Variants in KLHL32 observed in about 807,000 individuals in gnomAD.
KLHL32 encodes kelch-like protein 32.
In KLHL32, 35 loss-of-function variants were observed where a neutral mutation model predicts 64.8. The observed-to-expected ratio is 0.54, with a 90% CI of 0.41 to 0.72. The LOEUF is 0.72. Ranked by LOEUF, KLHL32 falls within the 30% of genes least tolerant of loss-of-function variation. The pLI is 0.00. For synonymous variants in KLHL32, 259 were observed against 281.0 expected (o/e 0.92, Z 0.78); for missense variants, 589 against 768.5 (o/e 0.77, Z 2.76).
chr6:97,024,895 C>A, intron 3 of KLHL32: 1 of 629,238 alleles, frequency 1.6e-6, no homozygotes, highest in Non-Finnish European at 2.0e-6. Flanking sequence ...TGAAATATCA[C>A]TTTATTTTTC....
chr6:97,107,677 G>A (rs569871701), intron 6 of KLHL32, among the ~76,000 whole-genome samples: 35 of 152,186 alleles, frequency 2.3e-4, no homozygotes, highest in Non-Finnish European at 4.1e-4. Context: ...CTAAGTTTAG[G>A]GCACTGTATG....
the KLHL32 span, among the ~76,000 whole-genome samples, chr6:96,914,112 C>CA: frequency 6.6e-6 from 1 of 151,568 alleles, no homozygotes; most frequent in Non-Finnish European, 1.5e-5. Flanking sequence ...AATCTACAAG[C>CA]AAAAAAGGGT....
chr6:97,125,156 T>A (rs905769434), intron 7 of KLHL32, among the ~76,000 whole-genome samples: 2 of 152,196 alleles, frequency 1.3e-5, no homozygotes, highest in African/African-American at 4.8e-5. Flanking sequence ...GAGATAATTT[T>A]AAAAATAGTC....
intron 1 of KLHL32, among the ~76,000 whole-genome samples, chr6:96,964,766 A>G (rs1774268811): frequency 6.6e-6 from 1 of 152,268 alleles, no homozygotes; most frequent in Non-Finnish European, 1.5e-5. Context: ...AATAATAAAT[A>G]GTAAATAATA....
At chr6:96,979,520 A>T (rs978523535) in intron 3 of KLHL32, among the ~76,000 whole-genome samples, 1 of 152,156 alleles carries the variant, frequency 6.6e-6, no homozygotes, top group African/African-American at 2.4e-5. Flanking sequence ...TACTGGTATC[A>T]TGCTGTTTTG....
At chr6:97,027,777 G>A (rs1782950061) in intron 3 of KLHL32, among the ~76,000 whole-genome samples, 2 of 152,174 alleles carry the variant, frequency 1.3e-5, no homozygotes, top group African/African-American at 4.8e-5. Context: ...TTTGGACTCA[G>A]GCCTTCTGCC....
At chr6:97,062,715 T>C (rs1460321785) in intron 4 of KLHL32, among the ~76,000 whole-genome samples, 1 of 152,230 alleles carries the variant, frequency 6.6e-6, no homozygotes, top group East Asian at 1.9e-4. Context: ...TTCTAAGTGC[T>C]GGGGATACAA....
intron 6 of KLHL32, among the ~76,000 whole-genome samples, chr6:97,103,213 C>CT (rs5878463): frequency 0.075 from 9,052 of 121,358 alleles, 446 homozygotes; most frequent in Non-Finnish European, 0.11. Flanking sequence ...TTGAATTTAT[C>CT]TTTTTTTTTT....
At chr6:97,029,923 G>T (rs957250599) in intron 3 of KLHL32, among the ~76,000 whole-genome samples, 3 of 152,182 alleles carry the variant, frequency 2.0e-5, no homozygotes, top group African/African-American at 4.8e-5. Context: ...GTAACAGTGG[G>T]CATATAGAAG....
chr6:96,914,097 G>A, the KLHL32 span, among the ~76,000 whole-genome samples: 11 of 152,058 alleles, frequency 7.2e-5, no homozygotes, highest in East Asian at 1.9e-4. Flanking sequence ...TGAAGAAAGC[G>A]GGGGAATCTA....
At chr6:97,134,752 C>T (rs1055242168) in intron 10 of KLHL32, among the ~76,000 whole-genome samples, 2 of 152,196 alleles carry the variant, frequency 1.3e-5, no homozygotes, top group African/African-American at 4.8e-5. Flanking sequence ...AAATGCTGTA[C>T]GTATCAAGTT....
intron 7 of KLHL32, among the ~76,000 whole-genome samples, chr6:97,117,472 C>G (rs999394569): frequency 2.0e-5 from 3 of 152,176 alleles, no homozygotes; most frequent in Non-Finnish European, 2.9e-5. Context: ...ACCTCTCCCC[C>G]ATTTTGGTCC....
At chr6:97,001,667 C>T (rs1779049147) in intron 3 of KLHL32, among the ~76,000 whole-genome samples, 1 of 152,062 alleles carries the variant, frequency 6.6e-6, no homozygotes, top group African/African-American at 2.4e-5. Context: ...ACAGGGTCTC[C>T]CTATATTGCC....
chr6:96,973,812 T>G (rs762433234), intron 2 of KLHL32, among the ~76,000 whole-genome samples: 36 of 150,354 alleles, frequency 2.4e-4, no homozygotes, highest in Admixed American at 5.3e-4. Flanking sequence ...AACCTCCACC[T>G]ACTGGGTTCA....
At position 97,105,491 on chromosome 6, in the gene KLHL32, C is replaced by T. The variant is rs772927423; in HGVS notation, c.628-8292C>T. The T allele has an allele frequency of 1.3e-5, 6 of 470,882 alleles. No homozygotes were observed. In the East Asian group the frequency reaches 2.1e-4, roughly 16 times the overall value. The allele number at this position is 470,882 out of a possible 1,614,324, so 29.2% of individuals were successfully genotyped here. On this transcript the variant is annotated intron_variant, in intron 6 of 10. Transcript: ENST00000369261. ...TTGTGCACTGAGGGGAGACTGGTGC[C>T]CTGGCTTACCTCAATGGGATGACAA...
chr6:97,038,696 A>AATATATCT (rs1282592665), intron 3 of KLHL32, among the ~76,000 whole-genome samples: 1 of 151,768 alleles, frequency 6.6e-6, no homozygotes, highest in Non-Finnish European at 1.5e-5. Context: ...TATATATATA[A>AATATATCT]ATATATCTAT....
chr6:96,898,503 T>C, the KLHL32 span, among the ~76,000 whole-genome samples: 1 of 152,196 alleles, frequency 6.6e-6, no homozygotes, highest in Non-Finnish European at 1.5e-5. Context: ...ATTTTTTACA[T>C]CCCGTTCTCA....
At chr6:97,122,919 G>T (rs1400574992) in intron 7 of KLHL32, among the ~76,000 whole-genome samples, 1 of 152,216 alleles carries the variant, frequency 6.6e-6, no homozygotes, top group Non-Finnish European at 1.5e-5. Context: ...CTCCAAGACA[G>T]TTGCAGAGAA....
intron 1 of KLHL32, among the ~76,000 whole-genome samples, chr6:96,938,217 G>A (rs60086952): frequency 0.023 from 3,538 of 152,166 alleles, 91 homozygotes; most frequent in African/African-American, 0.066. Context: ...ATTTACCAAG[G>A]GTGTCTCTGG....
Sources: gnomAD v4.1 joint callset for allele counts (sites outside exome capture counted in the v4.1 genomes callset) on GRCh38, gnomAD v4.1.1 for gene constraint, MANE v1.5 for transcripts, NCBI Gene and HGNC (gene_info 2026-07-23, HGNC 2026-07-21) for gene names.